Variants in DNAAF9 observed in about 807,000 individuals in gnomAD.
The protein encoded by DNAAF9 is shulin.
In DNAAF9, 90 loss-of-function variants were observed where a neutral mutation model predicts 167.0. The observed-to-expected ratio is 0.54, with a 90% CI of 0.45 to 0.64. The LOEUF is 0.64. DNAAF9 is among the 30% of genes least tolerant of loss of function. DNAAF9 has a pLI of 0.00. For synonymous variants in DNAAF9, 491 were observed against 508.8 expected (o/e 0.96, Z 0.47); for missense variants, 1,315 against 1,442.2 (o/e 0.91, Z 1.43).
chr20:3,306,983 C>T, intron 20 of DNAAF9: 29 of 985,354 alleles, frequency 2.9e-5, no homozygotes, highest in Non-Finnish European at 3.4e-5. Context: ...CTGGGTATCC[C>T]TCTACATTTG....
At chr20:3,264,347 T>A (rs1207244141) in intron 31 of DNAAF9, 91 bp downstream of exon 31, 3 of 722,108 alleles carry the variant, frequency 4.2e-6, no homozygotes, top group Non-Finnish European at 7.4e-6. Flanking sequence ...ACATCTGGTA[T>A]TTTCACCTTC....
At chr20:3,404,557 T>C (rs1490257672) in intron 1 of DNAAF9, among the ~76,000 whole-genome samples, 2 of 152,190 alleles carry the variant, frequency 1.3e-5, no homozygotes, top group East Asian at 3.9e-4. Flanking sequence ...TGTATTATTG[T>C]TCTTTCGGCC....
intron 21 of DNAAF9, among the ~76,000 whole-genome samples, chr20:3,302,182 A>G (rs1214346762): frequency 6.6e-6 from 1 of 151,954 alleles, no homozygotes; most frequent in African/African-American, 2.4e-5. Flanking sequence ...CAGGTGATCC[A>G]CCTGCTCCAG....
In DNAAF9 at chr20:3,381,430, G is replaced by C; in HGVS notation, c.232C>G (p.Gln78Glu). The change falls in exon 3 of 37, where the codon CAG becomes GAG. Residue 78 changes from glutamine (Q) to glutamate (E), a missense_variant. Gln to Glu is a conservative substitution (Grantham distance 29, BLOSUM62 2). This residue lies in a region of DNAAF9 where 981 missense variants were observed against 1,012.5 expected (regional missense o/e 0.97). Coordinates refer to ENST00000252032, the MANE Select transcript of DNAAF9 (RefSeq NM_001009984.3). ...ANYLLFGLYN[Q>E]NTSDFEKTGF... is the part of the protein sequence containing the mutation. ...GTTTTCTCAAAATCACTGGTATTCT[G>C]ATTGTACAAACCAAATAGAAGATAA... 1 of 1,612,052 alleles carries C rather than the reference G, an allele frequency of 6.2e-7. No homozygotes were observed.
intron 6 of DNAAF9, chr20:3,362,061 A>AT: frequency 4.9e-6 from 7 of 1,434,356 alleles, no homozygotes; most frequent in Non-Finnish European, 5.8e-6. Context: ...ATTCATATTA[A>AT]TTTTTTGTTA....
At chr20:3,261,623 C>T (rs1384349108) in intron 31 of DNAAF9, among the ~76,000 whole-genome samples, 1 of 151,964 alleles carries the variant, frequency 6.6e-6, no homozygotes, top group Non-Finnish European at 1.5e-5. Flanking sequence ...ACCTTGGCCT[C>T]CCAAAGTGCT....
At chr20:3,382,794 A>G (rs776250787) in intron 1 of DNAAF9, among the ~76,000 whole-genome samples, 41 of 152,218 alleles carry the variant, frequency 2.7e-4, no homozygotes, top group Non-Finnish European at 4.9e-4. Flanking sequence ...CTCATGGTCA[A>G]TGGTGGAAAG....
intron 9 of DNAAF9, among the ~76,000 whole-genome samples, chr20:3,341,006 A>G (rs1487927393): frequency 6.6e-6 from 1 of 152,230 alleles, no homozygotes; most frequent in Non-Finnish European, 1.5e-5. Context: ...AAAGGATGAC[A>G]GTTATGATAC....
intron 1 of DNAAF9, among the ~76,000 whole-genome samples, chr20:3,394,624 G>A (rs1410310043): frequency 6.6e-6 from 1 of 152,080 alleles, no homozygotes; most frequent in Non-Finnish European, 1.5e-5. Context: ...TTACTTTCGT[G>A]AAGCAGGAAC....
chr20:3,407,528 C>A lies in DNAAF9; in HGVS notation c.30G>T (p.Gly10=). The part of the protein sequence containing the change: MDVYPPRRQ[G]LPRARSPGGS... ...CGCCAGGGGACCGAGCGCGGGGCAG[C>A]CCCTGCCGGCGCGGGGGGTACACGT... Residue 10 remains glycine, a synonymous_variant, in exon 1 of 37, where the codon GGG becomes GGT. Coordinates refer to ENST00000252032, the MANE Select transcript of DNAAF9 (RefSeq NM_001009984.3). 1.6e-6 allele frequency: 2 copies of A among 1,260,804 alleles called. No individual in the cohort carries two copies. The highest frequency in any genetic ancestry group is 3.1e-5 in the South Asian group (1 of 32,272). 78.1% of individuals were successfully genotyped at this position (1,260,804 alleles called of 1,614,324 possible).
At chr20:3,355,194 T>G (rs1365192723) in intron 7 of DNAAF9, among the ~76,000 whole-genome samples, 2 of 152,242 alleles carry the variant, frequency 1.3e-5, no homozygotes, top group Admixed American at 6.5e-5. Flanking sequence ...TTTTTCATAA[T>G]TAGGTTCGCC....
chr20:3,266,128 G>C (rs1358572378), intron 30 of DNAAF9, among the ~76,000 whole-genome samples: 2 of 152,184 alleles, frequency 1.3e-5, no homozygotes, highest in African/African-American at 4.8e-5. Flanking sequence ...CTCATAATTA[G>C]ATTCAGGTTA....
At chr20:3,401,818 A>T (rs1026902853) in intron 1 of DNAAF9, among the ~76,000 whole-genome samples, 2 of 151,510 alleles carry the variant, frequency 1.3e-5, no homozygotes, top group African/African-American at 4.9e-5. Flanking sequence ...AATCCTACCT[A>T]TGTCACCCAA....
In DNAAF9 at chr20:3,381,394, C is replaced by T; in HGVS notation, c.268G>A (p.Glu90Lys). ...TSDFEKTGFSEEVLDDVIILI... is the reference protein window; with the variant it reads ...TSDFEKTGFSKEVLDDVIILI... ...ATATACTTACCATCTAGTACTTCTT[C>T]AGAAAATCCCGTTTTCTCAAAATCA... The change falls in exon 3 of 37, where the codon GAA (glutamate) becomes AAA (lysine). Residue 90 changes from glutamate to lysine, a missense_variant. Transcript: ENST00000252032. 1 of 1,610,858 alleles carries T rather than the reference C, an allele frequency of 6.2e-7. No individual in the cohort carries two copies. The highest frequency in any genetic ancestry group is 8.5e-7 in the Non-Finnish European group (1 of 1,177,192).
intron 30 of DNAAF9, 28 bp downstream of exon 30, chr20:3,270,399 G>C: frequency 1.2e-6 from 2 of 1,603,888 alleles, no homozygotes; most frequent in Non-Finnish European, 8.5e-7. Flanking sequence ...GAAAGCAACT[G>C]GTCTTGCAGA....
chr20:3,316,896 T>TTC, intron 17 of DNAAF9, 103 bp from the exon 18 acceptor site: 1 of 615,510 alleles, frequency 1.6e-6, no homozygotes. Flanking sequence ...GGTTCTTTTT[T>TTC]TTTTTTTTTT....
chr20:3,390,509 C>T (rs781002456), intron 1 of DNAAF9, among the ~76,000 whole-genome samples: 20 of 151,952 alleles, frequency 1.3e-4, no homozygotes, highest in Non-Finnish European at 2.5e-4. Context: ...GGATTACAGG[C>T]GTGTGCCACC....
At chr20:3,283,075 A>G (rs1479497147) in intron 27 of DNAAF9, among the ~76,000 whole-genome samples, 2 of 152,220 alleles carry the variant, frequency 1.3e-5, no homozygotes, top group African/African-American at 4.8e-5. Flanking sequence ...CTGGATGTTC[A>G]ACCCTGAGCA....
intron 21 of DNAAF9, among the ~76,000 whole-genome samples, chr20:3,300,588 C>T (rs2069166498): frequency 6.6e-6 from 1 of 151,404 alleles, no homozygotes; most frequent in South Asian, 2.1e-4. Flanking sequence ...TAGCTTGGGA[C>T]TATAGGCACC....
Sources: gnomAD v4.1 joint callset for allele counts (sites outside exome capture counted in the v4.1 genomes callset) on GRCh38, gnomAD v4.1.1 for gene constraint, gnomAD v4.1.1 regional missense constraint, MANE v1.5 for transcripts, NCBI Gene and HGNC (gene_info 2026-07-23, HGNC 2026-07-21) for gene names.